CDH12: variants seen among roughly 807,000 people sequenced by gnomAD.
CDH12 encodes cadherin 12.
In CDH12, 41 loss-of-function variants were observed where a neutral mutation model predicts 74.1. The ratio of observed to expected loss-of-function variants is 0.55; its 90% CI spans 0.43 to 0.72. The LOEUF (loss-of-function observed/expected upper bound fraction) is 0.72, where lower values mean the gene tolerates loss of function less well. CDH12 is among the 30% of genes least tolerant of loss of function. CDH12 has a pLI of 0.00. For synonymous variants in CDH12, 399 were observed against 355.0 expected, an observed-to-expected ratio of 1.12 and a Z score of -1.39; for missense variants, 945 against 977.2, an observed-to-expected ratio of 0.97 and a Z score of 0.44.
At chr5:22,834,976 A>C (rs181320541) in intron 1 of CDH12, among the ~76,000 whole-genome samples, 1 of 152,276 alleles carries the variant, frequency 6.6e-6, no homozygotes. Flanking sequence ...ATGGAATATA[A>C]GCTTAGCATT....
rs531784911 is a variant in CDH12 at position 22,827,018 on chromosome 5, T to G, written c.-523+26040A>C. Among the ~76,000 whole-genome samples, 19 of 152,272 alleles carry G rather than the reference T, an allele frequency of 1.2e-4. No homozygotes were observed. In the South Asian group the frequency reaches 3.1e-3, roughly 25 times the overall value. ...ATGGGGAAAATATCTCCAGAACATGTAAGAGACCTTTGCAGCAGCCCCTCC... is the reference window on the plus strand; with the variant it reads ...ATGGGGAAAATATCTCCAGAACATGGAAGAGACCTTTGCAGCAGCCCCTCC... On this transcript the variant is annotated intron_variant, in intron 1 of 14. Coordinates refer to ENST00000382254, the MANE Select transcript of CDH12 (RefSeq NM_004061.5).
intron 1 of CDH12, among the ~76,000 whole-genome samples, chr5:22,508,802 T>C (rs910053644): frequency 6.6e-6 from 1 of 152,140 alleles, no homozygotes; most frequent in Non-Finnish European, 1.5e-5. Flanking sequence ...CAAACCAATG[T>C]ATGTCTTACA....
intron 6 of CDH12, among the ~76,000 whole-genome samples, chr5:21,910,001 A>G (rs1265670231): frequency 6.6e-6 from 1 of 152,132 alleles, no homozygotes; most frequent in African/African-American, 2.4e-5. Flanking sequence ...CGGAGAGAAA[A>G]TAGCTGTTTT....
At chr5:22,647,892 T>C (rs1448711766) in intron 1 of CDH12, among the ~76,000 whole-genome samples, 1 of 151,930 alleles carries the variant, frequency 6.6e-6, no homozygotes, top group Non-Finnish European at 1.5e-5. Flanking sequence ...AATATTGTCT[T>C]ATAAATGTTT....
intron 1 of CDH12, among the ~76,000 whole-genome samples, chr5:22,631,374 C>G (rs1031679201): frequency 6.6e-6 from 1 of 152,104 alleles, no homozygotes; most frequent in Admixed American, 6.5e-5. Context: ...ATTAGAGACA[C>G]AGAATCAACC....
At chr5:22,433,243 C>T (rs928917960) in intron 2 of CDH12, among the ~76,000 whole-genome samples, 5 of 152,178 alleles carry the variant, frequency 3.3e-5, no homozygotes, top group African/African-American at 9.6e-5. Context: ...TGCTCATCAA[C>T]GTTGGTATAC....
intron 6 of CDH12, among the ~76,000 whole-genome samples, chr5:21,899,331 A>T (rs1432579942): frequency 1.3e-5 from 2 of 152,190 alleles, no homozygotes; most frequent in Non-Finnish European, 2.9e-5. Context: ...TTTACCTTGC[A>T]TTCCTCATAA....
intron 3 of CDH12, among the ~76,000 whole-genome samples, chr5:22,233,200 T>C (rs1265294438): frequency 1.3e-5 from 2 of 151,888 alleles, no homozygotes; most frequent in Non-Finnish European, 2.9e-5. Flanking sequence ...GGAACTATAA[T>C]CAGAATTGCG....
intron 3 of CDH12, among the ~76,000 whole-genome samples, chr5:22,402,456 T>C (rs1193913039): frequency 1.3e-5 from 2 of 152,202 alleles, no homozygotes; most frequent in African/African-American, 4.8e-5. Context: ...TTTAGCTGAA[T>C]CATGTTCTAC....
chr5:21,887,475 C>T (rs999160555), intron 6 of CDH12, among the ~76,000 whole-genome samples: 6 of 152,136 alleles, frequency 3.9e-5, no homozygotes, highest in African/African-American at 1.4e-4. Context: ...ACAGATCTTC[C>T]TCCCATAGTT....
chr5:22,714,077 T>A (rs1743439048), intron 1 of CDH12, among the ~76,000 whole-genome samples: 1 of 152,230 alleles, frequency 6.6e-6, no homozygotes. Context: ...TAACAACTTA[T>A]AATTTTATAT....
intron 1 of CDH12, among the ~76,000 whole-genome samples, chr5:22,598,370 T>C (rs1315912612): frequency 6.6e-6 from 1 of 152,178 alleles, no homozygotes; most frequent in Non-Finnish European, 1.5e-5. Flanking sequence ...GTTCTCCTGA[T>C]AATAAGTGAG....
intron 6 of CDH12, among the ~76,000 whole-genome samples, chr5:21,930,570 C>T (rs988187886): frequency 3.6e-4 from 55 of 152,124 alleles, no homozygotes; most frequent in Non-Finnish European, 4.4e-5. Flanking sequence ...AAATTTAGCG[C>T]ACTGTCTGAC....
intron 5 of CDH12, among the ~76,000 whole-genome samples, chr5:21,978,990 G>A (rs1757190344): frequency 6.6e-6 from 1 of 152,140 alleles, no homozygotes; most frequent in Admixed American, 6.5e-5. Flanking sequence ...CACAAAGAAG[G>A]AAGGAGGGCT....
chr5:21,838,760 G>A (rs867384839), intron 8 of CDH12, among the ~76,000 whole-genome samples: 5 of 152,052 alleles, frequency 3.3e-5, no homozygotes, highest in Admixed American at 2.0e-4. Context: ...AGTAAAGCAC[G>A]CCATCTTGGT....
chr5:22,805,759 T>G (rs1175703717), intron 1 of CDH12, among the ~76,000 whole-genome samples: 1 of 152,160 alleles, frequency 6.6e-6, no homozygotes, highest in Non-Finnish European at 1.5e-5. Context: ...GCTGCAACCA[T>G]CAACCCATCA....
chr5:22,021,827 G>T (rs1483065558), intron 5 of CDH12, among the ~76,000 whole-genome samples: 1 of 152,106 alleles, frequency 6.6e-6, no homozygotes, highest in African/African-American at 2.4e-5. Context: ...TGGACATGTG[G>T]CTGTCCACAT....
intron 3 of CDH12, among the ~76,000 whole-genome samples, chr5:22,363,982 C>A (rs1338544488): frequency 6.6e-6 from 1 of 152,186 alleles, no homozygotes; most frequent in African/African-American, 2.4e-5. Context: ...CTTATAAAGG[C>A]TTTGCCTTCA....
chr5:21,883,319 T>C, intron 6 of CDH12: 1 of 1,510,866 alleles, frequency 6.6e-7, no homozygotes, highest in Middle Eastern at 1.7e-4. Context: ...AGGATGCCTA[T>C]GTTCTGTTGA....
Sources: allele counts gnomAD v4.1 joint callset (sites outside exome capture counted in the v4.1 genomes callset), GRCh38; gene constraint gnomAD v4.1.1; transcripts MANE v1.5; gene names NCBI Gene and HGNC (gene_info 2026-07-23, HGNC 2026-07-21).